ASB12: variants seen among roughly 807,000 people sequenced by gnomAD.
The protein encoded by ASB12 is ankyrin repeat and SOCS box protein 12.
Under a neutral mutation model 13.7 loss-of-function variants are expected in ASB12, and 17 were observed. The ratio of observed to expected loss-of-function variants is 1.24; its 90% CI spans 0.85 to 1.86. ASB12 has a LOEUF of 1.86. ASB12 is among the 40% of genes most tolerant of loss of function. ASB12 has a pLI of 0.00. For missense variants in ASB12, 329 were observed against 250.5 expected (o/e 1.31, Z -2.11); for synonymous variants, 107 against 99.8 (o/e 1.07, Z -0.43).
intron 1 of ASB12, among the ~76,000 whole-genome samples, chrX:64,227,895 C>T (rs1210279787): frequency 8.9e-6 from 1 of 112,192 alleles, no homozygotes; most frequent in Non-Finnish European, 1.9e-5. Flanking sequence ...GTGGATTTTA[C>T]CTACTAAAGA....
chrX:64,224,794 G>A, intron 2 of ASB12, 34 bp downstream of exon 2: 1 of 1,152,351 alleles, frequency 8.7e-7, no homozygotes, highest in Non-Finnish European at 1.2e-6. Flanking sequence ...CTCCAAGCCA[G>A]GTGGCCTATG....
intron 2 of ASB12, 65 bp from the exon 3 acceptor site, chrX:64,224,533 A>C: frequency 9.2e-7 from 1 of 1,091,433 alleles, no homozygotes; most frequent in East Asian, 3.2e-5. Context: ...ACAAGCCTAC[A>C]TCCACTCTCC....
chrX:64,224,260 C>T lies in ASB12; in HGVS notation c.*75G>A. 1.8e-6 allele frequency: 2 copies of T among 1,083,784 alleles called. No individual in the cohort carries two copies. Among genetic ancestry groups the T allele is most frequent in the Non-Finnish European group, 2.5e-6 (2 of 785,642 alleles). 89.3% of individuals were successfully genotyped at this position (1,083,784 alleles called of 1,213,427 possible). A position where few individuals can be genotyped will look rare whatever the true frequency, so the allele number is the denominator to read the frequency against. On this transcript the variant is annotated 3_prime_UTR_variant, in exon 3 of 3. Transcript: ENST00000362002. ...AGCAGCTCCAGGTAAGTGGATGAGGCTGTAATGCTCTCCAGCTACGTGAGT... is the reference window on the plus strand; with the variant it reads ...AGCAGCTCCAGGTAAGTGGATGAGGTTGTAATGCTCTCCAGCTACGTGAGT...
intron 2 of ASB12, 53 bp from the exon 3 acceptor site, chrX:64,224,521 AC>A: frequency 8.9e-7 from 1 of 1,123,952 alleles, no homozygotes; most frequent in Non-Finnish European, 1.2e-6. Context: ...AAATTCTCCC[AC>A]ACAAGCCTAC....
At chrX:64,226,701 C>A (rs1226063354) in intron 1 of ASB12, 1 of 751,915 alleles carries the variant, frequency 1.3e-6, no homozygotes, top group African/African-American at 2.3e-5. Flanking sequence ...CTCAACCCAA[C>A]CTCTGACCTT....
At position 64,224,407 on chromosome X, in the gene ASB12, A is replaced by G. The variant is rs1242292883; in HGVS notation, c.885T>C (p.Ala295=). Residue 295 remains alanine, a synonymous_variant, in exon 3 of 3, where the codon GCT becomes GCC. Coordinates refer to ENST00000362002, the MANE Select transcript of ASB12 (RefSeq NM_130388.4). ...RLVVRRALCQ[A]GQPQAINQLD... ...GCTGGTTGATGGCTTGTGGCTGGCC[A>G]GCCTGGCACAAGGCTCTGCGGACGA... 2 of 1,207,975 alleles carry G rather than the reference A, an allele frequency of 1.7e-6. No individual in the cohort carries two copies. The highest frequency in any genetic ancestry group is 4.4e-5 in the Admixed American group (2 of 45,688).
At position 64,224,280 on chromosome X, in the gene ASB12, G is replaced by A. The variant is rs1398703266; in HGVS notation, c.*55C>T. 6.0e-6 allele frequency: 7 copies of A among 1,172,431 alleles called. No individual in the cohort carries two copies. The highest frequency in any genetic ancestry group is 1.8e-5 in the African/African-American group (1 of 56,256). ...TGAGGCTGTAATGCTCTCCAGCTACGTGAGTCCCCAGGTGGTTTTCGGAGG... is the reference window on the plus strand; with the variant it reads ...TGAGGCTGTAATGCTCTCCAGCTACATGAGTCCCCAGGTGGTTTTCGGAGG... On this transcript the variant is annotated 3_prime_UTR_variant, in exon 3 of 3. Transcript: ENST00000362002.
At chrX:64,228,310 T>A (rs1231505393) in intron 1 of ASB12, among the ~76,000 whole-genome samples, 1 of 112,520 alleles carries the variant, frequency 8.9e-6, no homozygotes, top group Non-Finnish European at 1.9e-5. Context: ...TTCTGCCAAG[T>A]TAATTCCTGC....
chrX:64,227,515 C>T (rs944533359), intron 1 of ASB12, among the ~76,000 whole-genome samples: 9 of 111,402 alleles, frequency 8.1e-5, no homozygotes, highest in Non-Finnish European at 7.5e-5. Context: ...GACCACTCCT[C>T]CCTACAAACT....
chrX:64,224,236 G>T lies in ASB12; in HGVS notation c.*99C>A, dbSNP rs1930879112. Reference sequence around the variant, plus strand: ...TTATTGTGGAGGATAATACAGGAGAGCAGCTCCAGGTAAGTGGATGAGGCT... The same window carrying T: ...TTATTGTGGAGGATAATACAGGAGATCAGCTCCAGGTAAGTGGATGAGGCT... On this transcript the variant is annotated 3_prime_UTR_variant, in exon 3 of 3. Coordinates refer to ENST00000362002, the MANE Select transcript of ASB12 (RefSeq NM_130388.4). The T allele has an allele frequency of 2.1e-6, 2 of 946,646 alleles. No individual in the cohort carries two copies. Among genetic ancestry groups the T allele is most frequent in the Non-Finnish European group, 3.0e-6 (2 of 669,547 alleles). The allele number at this position is 946,646 out of a possible 1,213,427, so 78.0% of individuals were successfully genotyped here.
In ASB12 at chrX:64,225,041, C is replaced by T. The variant is rs1261619861; in HGVS notation, c.610G>A (p.Gly204Arg). The T allele has an allele frequency of 3.3e-6, 4 of 1,211,488 alleles. No homozygotes were observed. Among genetic ancestry groups the T allele is most frequent in the Non-Finnish European group, 4.5e-6 (4 of 895,383 alleles). Reference protein sequence around the residue: ...LDCFRLLLLHGADPDYNCTDQ... With the variant: ...LDCFRLLLLHRADPDYNCTDQ... The stretch of plus-strand genomic sequence containing the variant: ...GTGCAGTTGTAGTCAGGGTCTGCCC[C>T]GTGGAGCAAAAGCAGGCGGAAACAG... Residue 204 changes from glycine (G) to arginine (R), a missense_variant, in exon 2 of 3, where the codon GGG (glycine) becomes AGG (arginine). Transcript: ENST00000362002.
chrX:64,230,402 C>T (rs1437260916), intron 1 of ASB12, 61 bp downstream of exon 1: 1 of 111,193 alleles, frequency 9.0e-6, no homozygotes, highest in Non-Finnish European at 1.9e-5. Context: ...TGGGTGATCA[C>T]AGGTCTGTGG....
intron 1 of ASB12, among the ~76,000 whole-genome samples, chrX:64,228,319 G>T (rs959711647): frequency 4.5e-5 from 5 of 112,347 alleles, no homozygotes; most frequent in African/African-American, 1.6e-4. Context: ...GTTAATTCCT[G>T]CAGAGTCTGT....
At chrX:64,227,371 C>G (rs1027927899) in intron 1 of ASB12, among the ~76,000 whole-genome samples, 1 of 111,848 alleles carries the variant, frequency 8.9e-6, no homozygotes, top group East Asian at 2.8e-4. Flanking sequence ...CTTGTCCATT[C>G]TCTGCAGTCT....
intron 1 of ASB12, 150 bp downstream of exon 1, chrX:64,230,313 T>A: frequency 9.0e-6 from 1 of 111,146 alleles, no homozygotes; most frequent in Non-Finnish European, 1.9e-5. Flanking sequence ...TCCTGGTGGG[T>A]TGCCCTAACG....
rs781588160 is a variant in ASB12, at chrX:64,225,409, G to A, written c.242C>T (p.Ala81Val). ...CAAACAGCTCAAGTGGCCATAAGAA[G>A]CAGCCAAGCGCAAGGGTGTCCCAGG... is the stretch of plus-strand genomic sequence containing the variant. ...GVPGTPLRLA[A>V]SYGHLSCLQV... Residue 81 changes from alanine to valine, a missense_variant, in exon 2 of 3, where the codon GCT becomes GTT. Ala to Val is a moderately conservative substitution (Grantham distance 64). Coordinates refer to ENST00000362002, the MANE Select transcript of ASB12 (RefSeq NM_130388.4). The A allele has an allele frequency of 1.1e-5, 13 of 1,206,795 alleles. No individual in the cohort carries two copies. Among genetic ancestry groups the A allele is most frequent in the African/African-American group, 1.8e-5 (1 of 57,094 alleles).
rs781024295 is a variant in ASB12 at position 64,225,538 on chromosome X, G to A, written c.113C>T (p.Ala38Val). 12 of 1,207,500 alleles carry A rather than the reference G, an allele frequency of 9.9e-6. No individual in the cohort carries two copies. The highest frequency in any genetic ancestry group is 1.8e-5 in the South Asian group (1 of 55,955). Residue 38 changes from alanine (A) to valine (V), a missense_variant, in exon 2 of 3, where the codon GCT (alanine) becomes GTT (valine). Ala to Val is a moderately conservative substitution (Grantham distance 64). Transcript: ENST00000362002. ...EEDTDTEEKQ[A>V]LNQAVYDNDS... ...GTTGTCATACACTGCTTGATTGAGA[G>A]CCTGCTTCTCCTCTGTGTCAGTGTC... is the stretch of plus-strand genomic sequence containing the variant.
At position 64,225,075 on chromosome X, in the gene ASB12, C is replaced by T. The variant is rs1930911294; in HGVS notation, c.576G>A (p.Gly192=). The part of the protein sequence containing the change: ...SGPLYLAAVY[G]HLDCFRLLLL... ...AAAGCAGGCGGAAACAGTCCAGGTGCCCGTAGACTGCGGCCAAATAGAGGG... is the reference window on the plus strand; with the variant it reads ...AAAGCAGGCGGAAACAGTCCAGGTGTCCGTAGACTGCGGCCAAATAGAGGG... The change falls in exon 2 of 3, where the codon GGG becomes GGA. Residue 192 remains glycine, a synonymous_variant. Coordinates refer to ENST00000362002, the MANE Select transcript of ASB12 (RefSeq NM_130388.4). 8.3e-7 allele frequency: 1 copy of T among 1,211,452 alleles called. No individual in the cohort carries two copies. The highest frequency in any genetic ancestry group is 1.1e-6 in the Non-Finnish European group (1 of 895,434).
intron 1 of ASB12, among the ~76,000 whole-genome samples, chrX:64,230,131 C>T (rs1343734865): frequency 9.0e-6 from 1 of 111,317 alleles, no homozygotes; most frequent in Non-Finnish European, 1.9e-5. Context: ...CACCCACACA[C>T]ACAGACTAGC....
Sources: gnomAD v4.1 joint callset for allele counts (sites outside exome capture counted in the v4.1 genomes callset) on GRCh38, gnomAD v4.1.1 for gene constraint, MANE v1.5 for transcripts, NCBI Gene and HGNC (gene_info 2026-07-23, HGNC 2026-07-21) for gene names.